The following PPP1R9A variants were observed in gnomAD, a reference collection of about 807,000 sequenced individuals.
PPP1R9A encodes the protein protein phosphatase 1 regulatory subunit 9A, also known as neurabin-1.
In PPP1R9A, 59 loss-of-function variants were observed where a neutral mutation model predicts 141.9. The ratio of observed to expected loss-of-function variants is 0.42; its 90% CI spans 0.34 to 0.52. The LOEUF (loss-of-function observed/expected upper bound fraction) is 0.52. Ranked by LOEUF, PPP1R9A falls within the 20% of genes least tolerant of loss-of-function variation. The pLI is 0.10. For synonymous variants in PPP1R9A, 500 were observed against 569.7 expected (o/e 0.88, Z 1.74); for missense variants, 1,444 against 1,611.9 (o/e 0.90, Z 1.78).
chr7:95,135,332 A>G (rs1463492255), intron 4 of PPP1R9A, among the ~76,000 whole-genome samples: 4 of 152,218 alleles, frequency 2.6e-5, no homozygotes, highest in Non-Finnish European at 4.4e-5. Flanking sequence ...TACTAACTGG[A>G]TTATTCAACC....
intron 5 of PPP1R9A, among the ~76,000 whole-genome samples, chr7:95,185,400 T>A (rs1356339002): frequency 6.6e-6 from 1 of 152,066 alleles, no homozygotes; most frequent in African/African-American, 2.4e-5. Context: ...TCTTACTGAT[T>A]GGCATTCTCT....
chr7:95,198,224 G>A, intron 5 of PPP1R9A, 125 bp from the exon 6 acceptor site: 1 of 805,778 alleles, frequency 1.2e-6, no homozygotes, highest in Non-Finnish European at 1.8e-6. Flanking sequence ...CCATTTTGAA[G>A]TACGTAGGTG....
At chr7:94,934,865 C>T (rs1527673) in intron 2 of PPP1R9A, among the ~76,000 whole-genome samples, 69,206 of 151,236 alleles carry the variant, frequency 0.46, 16,098 homozygotes, top group South Asian at 0.6. Flanking sequence ...CACACACACA[C>T]ATATATTTTA....
intron 2 of PPP1R9A, among the ~76,000 whole-genome samples, chr7:95,068,395 G>C (rs761108307): frequency 3.5e-4 from 52 of 150,704 alleles, no homozygotes; most frequent in Non-Finnish European, 6.8e-4. Context: ...GCTTGAACCT[G>C]GGAGGTGGAG....
chr7:95,210,249 C>G (rs2152907167), intron 7 of PPP1R9A, among the ~76,000 whole-genome samples: 1 of 152,092 alleles, frequency 6.6e-6, no homozygotes, highest in East Asian at 1.9e-4. Flanking sequence ...GCTGTGGAAA[C>G]AGTAAATATG....
chr7:94,924,135 T>C (rs535866435), intron 2 of PPP1R9A, among the ~76,000 whole-genome samples: 2 of 152,340 alleles, frequency 1.3e-5, no homozygotes, highest in East Asian at 3.9e-4. Context: ...TTGACTCTTT[T>C]CTATAAAATG....
At chr7:95,268,791 GCAAA>G (rs1801695850) in intron 13 of PPP1R9A, 84 bp downstream of exon 13, 2 of 1,499,238 alleles carry the variant, frequency 1.3e-6, no homozygotes, top group Non-Finnish European at 9.0e-7. Flanking sequence ...TGATTTTTCT[GCAAA>G]CAGAGTCTAT....
chr7:95,286,472 C>T, intron 18 of PPP1R9A, 147 bp downstream of exon 18: 5 of 1,350,124 alleles, frequency 3.7e-6, no homozygotes, highest in Non-Finnish European at 4.9e-6. Flanking sequence ...TTCATGATTT[C>T]TCTCCCTCCC....
At chr7:94,968,458 G>T (rs1234378335) in intron 2 of PPP1R9A, among the ~76,000 whole-genome samples, 1 of 152,164 alleles carries the variant, frequency 6.6e-6, no homozygotes, top group Admixed American at 6.5e-5. Flanking sequence ...AGGCGTGAGC[G>T]TCTCTTTTGA....
intron 2 of PPP1R9A, among the ~76,000 whole-genome samples, chr7:95,085,972 G>T (rs987495898): frequency 2.0e-5 from 3 of 151,426 alleles, no homozygotes; most frequent in Admixed American, 6.6e-5. Flanking sequence ...TTTATTTTCT[G>T]TATGACGTGA....
chr7:95,086,716 A>C (rs903087064), intron 2 of PPP1R9A, among the ~76,000 whole-genome samples: 1 of 152,036 alleles, frequency 6.6e-6, no homozygotes, highest in African/African-American at 2.4e-5. Context: ...CTGATAAAAT[A>C]TGTATACTAA....
intron 2 of PPP1R9A, among the ~76,000 whole-genome samples, chr7:95,033,139 G>T (rs1807916421): frequency 6.7e-6 from 1 of 150,208 alleles, no homozygotes; most frequent in African/African-American, 2.4e-5. Context: ...CGAGTAGCTG[G>T]AACTACAGGC....
At chr7:95,270,176 T>C (rs1357717088) in intron 14 of PPP1R9A, among the ~76,000 whole-genome samples, 1 of 152,184 alleles carries the variant, frequency 6.6e-6, no homozygotes, top group Non-Finnish European at 1.5e-5. Context: ...AATATTTTAC[T>C]CTGTGGCCCC....
intron 4 of PPP1R9A, chr7:95,156,044 C>G (rs1829549923): frequency 6.6e-6 from 1 of 152,258 alleles, no homozygotes; most frequent in East Asian, 1.9e-4. Flanking sequence ...TTCTGCCTAC[C>G]TGGCCTGGCA....
chr7:95,263,431 T>C (rs1171466360), intron 12 of PPP1R9A, among the ~76,000 whole-genome samples: 3 of 144,806 alleles, frequency 2.1e-5, no homozygotes, highest in Admixed American at 2.0e-4. Context: ...GTTGTTGCTG[T>C]TGTTGTTGTT....
chr7:95,256,866 A>G (rs555984715), intron 12 of PPP1R9A, among the ~76,000 whole-genome samples: 38 of 152,298 alleles, frequency 2.5e-4, no homozygotes, highest in African/African-American at 7.9e-4. Flanking sequence ...AAAACTATGT[A>G]TAAGGTAGTC....
chr7:95,198,151 A>G (rs1433072320), intron 5 of PPP1R9A, among the ~76,000 whole-genome samples, 198 bp from the exon 6 acceptor site: 1 of 151,960 alleles, frequency 6.6e-6, no homozygotes, highest in Non-Finnish European at 1.5e-5. Context: ...CTTTTCCTTT[A>G]TGAGCTGTGT....
chr7:94,973,034 G>A (rs115851966), intron 2 of PPP1R9A, among the ~76,000 whole-genome samples: 84 of 151,270 alleles, frequency 5.6e-4, no homozygotes, highest in Admixed American at 2.3e-3. Context: ...TTTAAAAACC[G>A]GAAGTAGAAA....
At chr7:94,909,826 AT>A (rs751467752) in intron 1 of PPP1R9A, 71 bp from the exon 2 acceptor site, 1 of 238,698 alleles carries the variant, frequency 4.2e-6, no homozygotes, top group Non-Finnish European at 8.1e-6. Flanking sequence ...GGAAAAAAAA[AT>A]GTATGTTATT....
Sources: gnomAD v4.1 joint callset for allele counts (sites outside exome capture counted in the v4.1 genomes callset) on GRCh38, gnomAD v4.1.1 for gene constraint, MANE v1.5 for transcripts, NCBI Gene and HGNC (gene_info 2026-07-23, HGNC 2026-07-21) for gene names.